The following PMM1 variants were observed in gnomAD, a reference collection of about 807,000 sequenced individuals.
PMM1 encodes the protein brain glucose-1,6-bisphosphatase.
A neutral mutation model predicts 34.0 loss-of-function variants in PMM1; 25 were observed. The ratio of observed to expected loss-of-function variants is 0.73; its 90% CI spans 0.54 to 1.03. The LOEUF is 1.03. PMM1 is among the 50% of genes least tolerant of loss of function. The pLI is 0.00. For missense variants in PMM1, 321 were observed against 350.1 expected (o/e 0.92, Z 0.66); for synonymous variants, 134 against 143.9 (o/e 0.93, Z 0.49).
intron 5 of PMM1, chr22:41,580,627 T>C (rs1300946414): frequency 6.6e-6 from 1 of 152,138 alleles, no homozygotes; most frequent in Non-Finnish European, 1.5e-5. Flanking sequence ...GGATAACTTC[T>C]CAGCACGTGT....
intron 2 of PMM1, 104 bp downstream of exon 2, chr22:41,585,970 GCT>G: frequency 2.4e-6 from 2 of 819,386 alleles, no homozygotes; most frequent in Non-Finnish European, 2.0e-6. Context: ...CTATCTGGCT[GCT>G]CTCTCTCTAT....
chr22:41,584,490 G>C (rs1478205286), intron 3 of PMM1, 37 bp downstream of exon 3: 1 of 1,589,966 alleles, frequency 6.3e-7, no homozygotes, highest in South Asian at 1.1e-5. Context: ...CTATGGAAAA[G>C]TGGGGTGCCC....
At position 41,586,216 on chromosome 22, in the gene PMM1, T is replaced by C. The variant is rs774020873; in HGVS notation, c.88-23A>G. The C allele has an allele frequency of 3.7e-6, 6 of 1,602,910 alleles. No homozygotes were observed. The Admixed American group carries it at 6.7e-5, about 18-fold the overall frequency. ...TTTCTATGGGGGGAGAGGGGAAGCA[T>C]AGCATTCTGGCTTTCAACATGTCTG... On this transcript the variant is annotated intron_variant, in intron 1 of 7. Coordinates refer to ENST00000216259, the MANE Select transcript of PMM1 (RefSeq NM_002676.3).
chr22:41,584,382 G>A lies in PMM1; in HGVS notation c.283-10C>T, dbSNP rs1341542680. 2.5e-6 allele frequency: 4 copies of A among 1,613,142 alleles called. No individual in the cohort carries two copies. Among genetic ancestry groups the A allele is most frequent in the African/African-American group, 2.7e-5 (2 of 74,908 alleles). ...GGTGGTTCTGGATGGTCTGGCCAAGGAACACAGGGCTCTGAGCGTGGCCTG... is the reference window on the plus strand; with the variant it reads ...GGTGGTTCTGGATGGTCTGGCCAAGAAACACAGGGCTCTGAGCGTGGCCTG... On this transcript the variant is annotated splice_polypyrimidine_tract_variant and intron_variant, in intron 3 of 7. Coordinates refer to ENST00000216259, the MANE Select transcript of PMM1 (RefSeq NM_002676.3).
rs1294344941 is a variant in PMM1 at position 41,589,742 on chromosome 22, C to T, written c.64G>A (p.Gly22Arg). 7 of 1,611,838 alleles carry T rather than the reference C, an allele frequency of 4.3e-6. No homozygotes were observed. The highest frequency in any genetic ancestry group is 5.9e-6 in the Non-Finnish European group (7 of 1,179,534). ...ACCTGGCGAGCCGGCGTGAGGGTCCCGTCCACGTCAAACAGGCAGAGGACG... is the reference window on the plus strand; with the variant it reads ...ACCTGGCGAGCCGGCGTGAGGGTCCTGTCCACGTCAAACAGGCAGAGGACG... ...ERVLCLFDVD[G>R]TLTPARQKID... Residue 22 changes from glycine to arginine, a missense_variant, in exon 1 of 8, where the codon GGG becomes AGG. Gly to Arg is a moderately radical substitution (Grantham distance 125). Transcript: ENST00000216259.
chr22:41,582,247 T>C (rs1338081019), intron 5 of PMM1, among the ~76,000 whole-genome samples: 2 of 152,112 alleles, frequency 1.3e-5, no homozygotes, highest in East Asian at 1.9e-4. Flanking sequence ...CACTTGAGGC[T>C]AGGAGTTCAA....
At position 41,584,610 on chromosome 22, in the gene PMM1, G is replaced by A. The variant is rs1482062065; in HGVS notation, c.206-7C>T. 1 of 1,610,604 alleles carries A rather than the reference G, an allele frequency of 6.2e-7. No individual in the cohort carries two copies. Among genetic ancestry groups the A allele is most frequent in the African/African-American group, 1.3e-5 (1 of 74,850 alleles). The stretch of plus-strand genomic sequence containing the variant: ...TAATCAAACTTCTCAATGACTTCAG[G>A]GTCACATAGAGGACAGGAGGAAGAA... On this transcript the variant is annotated splice_polypyrimidine_tract_variant and splice_region_variant and intron_variant, in intron 2 of 7. Transcript: ENST00000216259.
rs1202738541 is a variant in PMM1, at chr22:41,576,900, T to C, written c.*418A>G. 1 of 287,240 alleles carries C rather than the reference T, an allele frequency of 3.5e-6. No individual in the cohort carries two copies. The highest frequency in any genetic ancestry group is 6.8e-6 in the Non-Finnish European group (1 of 146,058). 17.8% of individuals were successfully genotyped at this position (287,240 alleles called of 1,614,324 possible). On this transcript the variant is annotated 3_prime_UTR_variant, in exon 8 of 8. Coordinates refer to ENST00000216259, the MANE Select transcript of PMM1 (RefSeq NM_002676.3). ...CCATTCAGACACAGCTGACACCTAC[T>C]TTGTTCTGGGAACTTTAATACTGTG...
In PMM1 at chr22:41,576,929, A is replaced by T. The variant is rs948918252; in HGVS notation, c.*389T>A. On this transcript the variant is annotated 3_prime_UTR_variant, in exon 8 of 8. Coordinates refer to ENST00000216259, the MANE Select transcript of PMM1 (RefSeq NM_002676.3). ...TTCTGGGAACTTTAATACTGTGACA[A>T]AGTTCTCTAAAATAGGCACCTTCCC... 1.2e-5 allele frequency: 4 copies of T among 320,852 alleles called. No individual in the cohort carries two copies. Among genetic ancestry groups the T allele is most frequent in the Admixed American group, 8.9e-5 (2 of 22,474 alleles). The allele number at this position is 320,852 out of a possible 1,614,324, so 19.9% of individuals were successfully genotyped here. A position where few individuals can be genotyped will look rare whatever the true frequency, so the allele number is the denominator to read the frequency against.
At chr22:41,585,635 G>A (rs1385589756) in intron 2 of PMM1, among the ~76,000 whole-genome samples, 2 of 152,066 alleles carry the variant, frequency 1.3e-5, no homozygotes, top group Admixed American at 1.3e-4. Context: ...GGGATTACAG[G>A]CACGTGCCAA....
Position 41,584,304 on chromosome 22 carries a change from G to A in PMM1, c.351C>T (p.Ala117=). Residue 117 remains alanine (A), a synonymous_variant, in exon 4 of 8, where the codon GCC becomes GCT. Coordinates refer to ENST00000216259, the MANE Select transcript of PMM1 (RefSeq NM_002676.3). ...ACCGCTTCTTGGGCAGCCTGAGCAG[G>A]GCCATGTAGCTGAGGCAGAAGTTGA... ...DLINFCLSYM[A]LLRLPKKRGT... 6.2e-7 allele frequency: 1 copy of A among 1,614,088 alleles called. No individual in the cohort carries two copies. The highest frequency in any genetic ancestry group is 8.5e-7 in the Non-Finnish European group (1 of 1,179,974).
intron 7 of PMM1, 78 bp from the exon 8 acceptor site, chr22:41,577,518 CCTCCTGCCCCTT>C (rs1420779918): frequency 1.4e-6 from 2 of 1,469,562 alleles, no homozygotes; most frequent in Non-Finnish European, 1.8e-6. Flanking sequence ...ACCTGCCCCT[CCTCCTGCCCCTT>C]CAGAACTGCC....
chr22:41,581,128 A>C (rs2067242121), intron 5 of PMM1, among the ~76,000 whole-genome samples: 1 of 150,698 alleles, frequency 6.6e-6, no homozygotes, highest in Non-Finnish European at 1.5e-5. Context: ...AAAAAAAAAA[A>C]AAAAAAACCC....
intron 2 of PMM1, chr22:41,584,855 T>C: frequency 2.3e-6 from 1 of 426,598 alleles, no homozygotes; most frequent in Non-Finnish European, 4.2e-6. Context: ...GAACCGCCCT[T>C]CCCTGGCTTC....
chr22:41,584,875 C>G (rs889356117), intron 2 of PMM1: 1 of 415,864 alleles, frequency 2.4e-6, no homozygotes, highest in African/African-American at 2.0e-5. Context: ...CCCTGCCACT[C>G]ATCCTCCAAG....
intron 5 of PMM1, chr22:41,580,642 G>A (rs531034414): frequency 6.6e-6 from 1 of 152,096 alleles, no homozygotes. Flanking sequence ...ACGTGTATTG[G>A]GGGGGAAGGG....
rs79865826 is a variant in PMM1, at chr22:41,586,203, G to T, written c.88-10C>A. On this transcript the variant is annotated splice_polypyrimidine_tract_variant and intron_variant, in intron 1 of 7. Transcript: ENST00000216259. ...CCTCAGGGTCAATTTTCTATGGGGGGAGAGGGGAAGCATAGCATTCTGGCT... is the reference window on the plus strand; with the variant it reads ...CCTCAGGGTCAATTTTCTATGGGGGTAGAGGGGAAGCATAGCATTCTGGCT... 419 of 1,605,736 alleles carry T rather than the reference G, an allele frequency of 2.6e-4. No homozygotes were observed. The African/African-American group carries it at 5.2e-3, about 20-fold the overall frequency.
chr22:41,583,582 G>A (rs866385873), intron 5 of PMM1, among the ~76,000 whole-genome samples: 22 of 152,188 alleles, frequency 1.4e-4, no homozygotes, highest in African/African-American at 5.3e-4. Context: ...GAAAGTTGGG[G>A]CAGCCTGGGG....
intron 5 of PMM1, chr22:41,579,845 A>G: frequency 6.6e-6 from 1 of 152,502 alleles, no homozygotes; most frequent in Non-Finnish European, 1.5e-5. Flanking sequence ...CAGCTGTGTG[A>G]CCATGGGCAA....
Sources: allele counts gnomAD v4.1 joint callset (sites outside exome capture counted in the v4.1 genomes callset), GRCh38; gene constraint gnomAD v4.1.1; transcripts MANE v1.5; gene names NCBI Gene and HGNC (gene_info 2026-07-23, HGNC 2026-07-21).